The following OAS2 variants were observed in gnomAD, a reference collection of about 807,000 sequenced individuals.
OAS2 encodes the protein 2'-5'-oligoadenylate synthetase 2.
Under a neutral mutation model 71.3 loss-of-function variants are expected in OAS2, and 67 were observed. The ratio of observed to expected loss-of-function variants is 0.94; its 90% CI spans 0.77 to 1.15. The LOEUF is 1.15. Ranked by LOEUF, OAS2 falls within the 50% of genes most tolerant of loss-of-function variation. OAS2 has a pLI of 0.00. For synonymous variants in OAS2, 327 were observed against 321.8 expected (o/e 1.02, Z -0.17); for missense variants, 789 against 822.5 (o/e 0.96, Z 0.50).
intron 9 of OAS2, among the ~76,000 whole-genome samples, chr12:113,008,179 A>G (rs1408626630): frequency 6.6e-6 from 1 of 152,224 alleles, no homozygotes; most frequent in Non-Finnish European, 1.5e-5. Context: ...AGCTGCTTTC[A>G]TCTAAGAGGT....
intron 2 of OAS2, among the ~76,000 whole-genome samples, chr12:112,990,659 A>G (rs2044183154): frequency 6.6e-6 from 1 of 152,216 alleles, no homozygotes; most frequent in Non-Finnish European, 1.5e-5. Flanking sequence ...ATTCCAATAT[A>G]TGTCAAAGAA....
chr12:112,987,119 T>G lies in OAS2; in HGVS notation c.259T>G (p.Phe87Val), dbSNP rs2044144971. ...LVLFFSDLKQFQDQKRSQRDI... is the reference protein window; with the variant it reads ...LVLFFSDLKQVQDQKRSQRDI... Reference sequence around the variant, plus strand: ...CCTCTTCTTCAGTGACTTAAAACAATTCCAGGATCAGAAGAGAAGCCAACG... The same window carrying G: ...CCTCTTCTTCAGTGACTTAAAACAAGTCCAGGATCAGAAGAGAAGCCAACG... Residue 87 changes from phenylalanine to valine, a missense_variant, in exon 2 of 10, where the codon TTC (phenylalanine) becomes GTC (valine). Physicochemically the swap from Phe to Val is conservative, Grantham distance 50. Transcript: ENST00000392583. 1.9e-6 allele frequency: 3 copies of G among 1,614,172 alleles called. No homozygotes were observed. The highest frequency in any genetic ancestry group is 2.5e-6 in the Non-Finnish European group (3 of 1,180,010).
At chr12:112,983,386 C>A (rs998132074) in intron 1 of OAS2, among the ~76,000 whole-genome samples, 2 of 151,984 alleles carry the variant, frequency 1.3e-5, no homozygotes, top group Admixed American at 1.3e-4. Context: ...CCACCACGCC[C>A]GGCTAATTTT....
At position 113,002,926 on chromosome 12, in the gene OAS2, C is replaced by G; in HGVS notation, c.1009-6C>G. The stretch of plus-strand genomic sequence containing the variant: ...CTCACACTTGGGGTCTTCCTTCCTT[C>G]CCCAGCCTGCACCACTCTTCACGAC... On this transcript the variant is annotated splice_polypyrimidine_tract_variant and splice_region_variant and intron_variant, in intron 5 of 9. Coordinates refer to ENST00000392583, the MANE Select transcript of OAS2 (RefSeq NM_002535.3). 1 of 1,613,550 alleles carries G rather than the reference C, an allele frequency of 6.2e-7. No homozygotes were observed. Among genetic ancestry groups the G allele is most frequent in the Admixed American group, 1.7e-5 (1 of 60,010 alleles).
intron 5 of OAS2, among the ~76,000 whole-genome samples, chr12:112,998,694 G>A (rs2044257463): frequency 1.3e-5 from 2 of 152,150 alleles, no homozygotes; most frequent in Non-Finnish European, 2.9e-5. Context: ...TCCTTGGCTT[G>A]TGGCTGCATC....
chr12:113,005,337 AGCAAGTG>A, intron 7 of OAS2, 115 bp downstream of exon 7: 1 of 1,007,316 alleles, frequency 9.9e-7, no homozygotes, highest in Non-Finnish European at 1.5e-6. Flanking sequence ...CCCTGGCCCC[AGCAAGTG>A]GCATTAGTCA....
At chr12:112,988,636 C>A (rs1011478667) in intron 2 of OAS2, 3 of 985,286 alleles carry the variant, frequency 3.0e-6, no homozygotes, top group Non-Finnish European at 3.6e-6. Context: ...AGCACCAATA[C>A]CCCCTACCTT....
chr12:112,992,806 G>A (rs1321457153), intron 2 of OAS2, among the ~76,000 whole-genome samples: 2 of 152,112 alleles, frequency 1.3e-5, no homozygotes, highest in Non-Finnish European at 2.9e-5. Flanking sequence ...GGATGCTCAG[G>A]GTTGGGGGTG....
At chr12:112,996,509 A>T (rs964878580) in intron 3 of OAS2, among the ~76,000 whole-genome samples, 1 of 152,048 alleles carries the variant, frequency 6.6e-6, no homozygotes, top group Non-Finnish European at 1.5e-5. Context: ...CATATTCTCA[A>T]ACCCAACTGG....
rs1428818951 is a variant in OAS2, at chr12:113,006,486, C to G, written c.1542C>G (p.Asp514Glu). 6.2e-7 allele frequency: 1 copy of G among 1,613,520 alleles called. No homozygotes were observed. The highest frequency in any genetic ancestry group is 1.7e-5 in the Admixed American group (1 of 60,006). Residue 514 changes from aspartate (D) to glutamate (E), a missense_variant, in exon 8 of 10, where the codon GAC becomes GAG. By Grantham distance (45) the Asp-to-Glu change is conservative (BLOSUM62 2). Transcript: ENST00000392583. Reference sequence around the variant, plus strand: ...TCATTGATCTGTATAAATCCTCGGACCTCCCGGGAGGAGAGTTTTCTACCT... The same window carrying G: ...TCATTGATCTGTATAAATCCTCGGAGCTCCCGGGAGGAGAGTTTTCTACCT... ...AGLIDLYKSS[D>E]LPGGEFSTCF... is the part of the protein sequence containing the mutation.
At chr12:112,986,950 T>A (rs778770244) in intron 1 of OAS2, 88 bp from the exon 2 acceptor site, 9 of 1,514,592 alleles carry the variant, frequency 5.9e-6, no homozygotes, top group Admixed American at 4.4e-5. Flanking sequence ...TTTTGGCTTT[T>A]ACTTGAGTTG....
rs1211713725 is a variant in OAS2, at chr12:113,010,627, T to C, written c.*1372T>C. ...TCAATCAAGACTGCAAACCCTTTCA[T>C]AAAGTCTTGCCTTGCTGAACTCCCT... is the stretch of plus-strand genomic sequence containing the variant. On this transcript the variant is annotated 3_prime_UTR_variant, in exon 10 of 10. Coordinates refer to ENST00000392583, the MANE Select transcript of OAS2 (RefSeq NM_002535.3). The C allele has an allele frequency of 1.5e-6, 2 of 1,304,134 alleles. No homozygotes were observed. The highest frequency in any genetic ancestry group is 2.0e-6 in the Non-Finnish European group (2 of 998,070). 80.8% of individuals were successfully genotyped at this position (1,304,134 alleles called of 1,614,324 possible).
chr12:113,007,983 C>A, intron 9 of OAS2, 40 bp downstream of exon 9: 2 of 1,401,610 alleles, frequency 1.4e-6, no homozygotes, highest in Non-Finnish European at 2.0e-6. Flanking sequence ...TAACCTGATT[C>A]CCTTGAACAC....
At chr12:112,982,162 A>G (rs1288839815) in intron 1 of OAS2, among the ~76,000 whole-genome samples, 1 of 152,040 alleles carries the variant, frequency 6.6e-6, no homozygotes, top group African/African-American at 2.4e-5. Context: ...AGAAGATCAT[A>G]TGGTCTGCAA....
At chr12:112,999,942 C>T (rs549990632) in intron 5 of OAS2, among the ~76,000 whole-genome samples, 1 of 151,996 alleles carries the variant, frequency 6.6e-6, no homozygotes, top group East Asian at 1.9e-4. Flanking sequence ...GGCTATAACT[C>T]GCTACATTGG....
rs1009373337 is a variant in OAS2 at position 113,011,277 on chromosome 12, T to A, written c.*2022T>A. On this transcript the variant is annotated 3_prime_UTR_variant, in exon 10 of 10. Transcript: ENST00000392583. ...ATTCTAGAGTTTCCTGATAGGAGTGTCTTTTGTATTCATAACAAGCCCTTT... is the reference window on the plus strand; with the variant it reads ...ATTCTAGAGTTTCCTGATAGGAGTGACTTTTGTATTCATAACAAGCCCTTT... The A allele has an allele frequency of 3.3e-5, 5 of 152,190 alleles. No individual in the cohort carries two copies. Among genetic ancestry groups the A allele is most frequent in the Non-Finnish European group, 7.3e-5 (5 of 68,046 alleles). The allele number at this position is 152,190 out of a possible 1,614,324, so 9.4% of individuals were successfully genotyped here.
intron 2 of OAS2, among the ~76,000 whole-genome samples, chr12:112,993,517 G>A (rs1408265441): frequency 1.3e-5 from 2 of 152,164 alleles, no homozygotes; most frequent in African/African-American, 4.8e-5. Flanking sequence ...CCATGCCTAG[G>A]GAGTCAGTAA....
chr12:112,993,098 GA>G (rs1343931455), intron 2 of OAS2, among the ~76,000 whole-genome samples: 6 of 149,468 alleles, frequency 4.0e-5, no homozygotes, highest in African/African-American at 1.5e-4. Context: ...CACTTTCTGA[GA>G]AAAGCAACCT....
chr12:112,989,509 A>G lies in OAS2; in HGVS notation c.448+2201A>G, dbSNP rs140439431. 2.6e-5 allele frequency among the ~76,000 whole-genome samples: 4 copies of G among 152,342 alleles called. No individual in the cohort carries two copies. In the East Asian group the frequency reaches 7.7e-4, roughly 29 times the overall value. On this transcript the variant is annotated intron_variant, in intron 2 of 9. Coordinates refer to ENST00000392583, the MANE Select transcript of OAS2 (RefSeq NM_002535.3). ...GGCTTCCAGGTCATTGGTAGATTTA[A>G]AGATTTTCTGATTGGCAATTGATGG...
Sources: allele counts gnomAD v4.1 joint callset (sites outside exome capture counted in the v4.1 genomes callset), GRCh38; gene constraint gnomAD v4.1.1; transcripts MANE v1.5; gene names NCBI Gene and HGNC (gene_info 2026-07-23, HGNC 2026-07-21).